Variants in UQCC1 observed in about 807,000 individuals in gnomAD.
UQCC1 encodes the protein bFGF-repressed Zic-binding protein.
UQCC1 carries 38 observed loss-of-function variants against 48.0 expected under a neutral mutation model. The ratio of observed to expected loss-of-function variants is 0.79; its 90% CI spans 0.61 to 1.04. The LOEUF is 1.04. UQCC1 is among the 50% of genes least tolerant of loss of function. The pLI is 0.00. For missense variants in UQCC1, 368 were observed against 381.8 expected (o/e 0.96, Z 0.30); for synonymous variants, 111 against 129.2 (o/e 0.86, Z 0.95).
chr20:35,407,788 C>T (rs1380085527), intron 1 of UQCC1, among the ~76,000 whole-genome samples: 2 of 152,078 alleles, frequency 1.3e-5, no homozygotes, highest in South Asian at 4.1e-4. Context: ...TTTGGGAGGC[C>T]GAGGCAGGCG....
intron 2 of UQCC1, among the ~76,000 whole-genome samples, chr20:35,384,828 G>A (rs1307595317): frequency 6.6e-6 from 1 of 151,698 alleles, no homozygotes; most frequent in Admixed American, 6.6e-5. Flanking sequence ...TTAGCCAGGT[G>A]TGGTGGCACA....
chr20:35,303,799 A>C lies in UQCC1; in HGVS notation c.*136T>G. On this transcript the variant is annotated 3_prime_UTR_variant, in exon 10 of 10. Coordinates refer to ENST00000374385, the MANE Select transcript of UQCC1 (RefSeq NM_018244.5). Reference sequence around the variant, plus strand: ...GCACACTAAGAGGAAACTCAACACAAATGGGGCCAGGTATTTGACAGATGC... The same window carrying C: ...GCACACTAAGAGGAAACTCAACACACATGGGGCCAGGTATTTGACAGATGC... The C allele has an allele frequency of 8.0e-7, 1 of 1,251,496 alleles. No individual in the cohort carries two copies. The highest frequency in any genetic ancestry group is 1.9e-5 in the Admixed American group (1 of 52,008). 77.5% of individuals were successfully genotyped at this position (1,251,496 alleles called of 1,614,324 possible).
rs577518105 is a variant in UQCC1, at chr20:35,323,136, C to T, written c.574-8371G>A. Among the ~76,000 whole-genome samples the T allele has an allele frequency of 3.3e-5, 5 of 152,304 alleles. No homozygotes were observed. In the South Asian group the frequency reaches 6.2e-4, roughly 19 times the overall value. ...TGCTGGGATTGCAGGCGTGAGCCAC[C>T]GCGCCCGGCCCCAATCTACTGTCTT... On this transcript the variant is annotated intron_variant, in intron 7 of 9. Transcript: ENST00000374385.
At chr20:35,411,646 A>G (rs954431938) in intron 1 of UQCC1, among the ~76,000 whole-genome samples, 1 of 152,172 alleles carries the variant, frequency 6.6e-6, no homozygotes, top group African/African-American at 2.4e-5. Context: ...AGTGTCCTAC[A>G]TGCTCCTCTC....
intron 1 of UQCC1, among the ~76,000 whole-genome samples, chr20:35,410,755 TAAAAAAAAAAAAA>T (rs57478774): frequency 4.9e-5 from 2 of 40,502 alleles, no homozygotes; most frequent in African/African-American, 9.3e-5. Flanking sequence ...GGGGAAGGAT[TAAAAAAAAAAAAA>T]AAAAAAAAAC....
intron 1 of UQCC1, among the ~76,000 whole-genome samples, chr20:35,400,430 CTAAG>C (rs969368203): frequency 2.0e-5 from 3 of 151,920 alleles, no homozygotes; most frequent in African/African-American, 4.8e-5. Flanking sequence ...TGCACTGTTA[CTAAG>C]TGAGAACTAG....
chr20:35,376,833 C>T (rs1000434048), intron 4 of UQCC1, among the ~76,000 whole-genome samples: 8 of 151,850 alleles, frequency 5.3e-5, no homozygotes, highest in African/African-American at 1.2e-4. Context: ...TGTGGTGGTA[C>T]GCGCCTGTAG....
At chr20:35,322,084 G>C (rs1254185974) in intron 7 of UQCC1, among the ~76,000 whole-genome samples, 1 of 152,174 alleles carries the variant, frequency 6.6e-6, no homozygotes, top group Non-Finnish European at 1.5e-5. Context: ...ATTTGAATAA[G>C]GGGAACATTA....
At chr20:35,345,064 G>C (rs1358687755) in intron 7 of UQCC1, 2 of 152,280 alleles carry the variant, frequency 1.3e-5, no homozygotes, top group African/African-American at 4.8e-5. Flanking sequence ...GAAAGGTATG[G>C]AATCTCCTCA....
intron 2 of UQCC1, 111 bp from the exon 3 acceptor site, chr20:35,384,244 C>T: frequency 1.1e-6 from 1 of 940,362 alleles, no homozygotes; most frequent in Non-Finnish European, 1.6e-6. Flanking sequence ...ACTTAGCCCA[C>T]TTCCCCGTGA....
chr20:35,335,596 T>C (rs1457741772), intron 7 of UQCC1, among the ~76,000 whole-genome samples: 2 of 152,186 alleles, frequency 1.3e-5, no homozygotes, highest in Admixed American at 1.3e-4. Context: ...TATGATCCTA[T>C]TTATATGAAA....
In UQCC1 at chr20:35,359,344, C is replaced by G. The variant is rs79399344; in HGVS notation, c.464+7213G>C. 5.2e-3 allele frequency among the ~76,000 whole-genome samples: 799 copies of G among 152,336 alleles called. 2 individuals are homozygous for G. Among genetic ancestry groups the G allele is most frequent in the Admixed American group, 9.6e-3 (147 of 15,294 alleles). ...AGCTGGAATGAAGCCTGAGCTCCCCCCTTTTTCTCCCATTCTGTGATAGCA... is the reference window on the plus strand; with the variant it reads ...AGCTGGAATGAAGCCTGAGCTCCCCGCTTTTTCTCCCATTCTGTGATAGCA... On this transcript the variant is annotated intron_variant, in intron 6 of 9. Coordinates refer to ENST00000374385, the MANE Select transcript of UQCC1 (RefSeq NM_018244.5).
At chr20:35,304,126 C>A (rs1353209207) in intron 9 of UQCC1, 57 bp from the exon 10 acceptor site, 1 of 1,607,030 alleles carries the variant, frequency 6.2e-7, no homozygotes, top group East Asian at 2.2e-5. Context: ...AGGTGAGGAG[C>A]CAGCGTCAGG....
chr20:35,348,299 T>C (rs765167267), intron 6 of UQCC1, among the ~76,000 whole-genome samples: 1 of 152,266 alleles, frequency 6.6e-6, no homozygotes, highest in Non-Finnish European at 1.5e-5. Context: ...TTTTATTATA[T>C]ATAGGAATAT....
chr20:35,321,286 G>A (rs11905879), intron 7 of UQCC1, among the ~76,000 whole-genome samples: 193 of 139,074 alleles, frequency 1.4e-3, no homozygotes, highest in African/African-American at 4.8e-3. Context: ...GTGTGTGTGC[G>A]CGCGCGCGCG....
chr20:35,350,819 T>A (rs758556448), intron 6 of UQCC1, among the ~76,000 whole-genome samples: 33 of 151,978 alleles, frequency 2.2e-4, no homozygotes, highest in Non-Finnish European at 4.6e-4. Context: ...GGTGGGTGGA[T>A]CACCTGAGGT....
intron 1 of UQCC1, among the ~76,000 whole-genome samples, chr20:35,402,615 AAT>A (rs1158481005): frequency 3.1e-5 from 4 of 129,928 alleles, no homozygotes; most frequent in Non-Finnish European, 6.5e-5. Flanking sequence ...AAACAAACAA[AAT>A]ATATATATAT....
intron 1 of UQCC1, among the ~76,000 whole-genome samples, chr20:35,396,911 G>A (rs545724450): frequency 6.6e-6 from 1 of 152,218 alleles, no homozygotes; most frequent in East Asian, 1.9e-4. Flanking sequence ...GACCTTATAG[G>A]GCCATAATGA....
Position 35,334,890 on chromosome 20 carries a change from T to C in UQCC1, c.573+12274A>G, listed in dbSNP as rs144359236. Among the ~76,000 whole-genome samples the C allele has an allele frequency of 5.3e-5, 8 of 152,284 alleles. No homozygotes were observed. In the East Asian group the frequency reaches 5.8e-4, roughly 11 times the overall value. ...AGAATGTTAAGTCTGGAAGAGAATGTAGAAATCATCTAACTCTCCTCCCCA... is the reference window on the plus strand; with the variant it reads ...AGAATGTTAAGTCTGGAAGAGAATGCAGAAATCATCTAACTCTCCTCCCCA... On this transcript the variant is annotated intron_variant, in intron 7 of 9. Coordinates refer to ENST00000374385, the MANE Select transcript of UQCC1 (RefSeq NM_018244.5).
Sources: allele counts gnomAD v4.1 joint callset (sites outside exome capture counted in the v4.1 genomes callset), GRCh38; gene constraint gnomAD v4.1.1; transcripts MANE v1.5; gene names NCBI Gene and HGNC (gene_info 2026-07-23, HGNC 2026-07-21).